LRRC4C: variants seen among roughly 807,000 people sequenced by gnomAD.
LRRC4C encodes the protein leucine-rich repeat-containing protein 4C.
In LRRC4C, 5 loss-of-function variants were observed where a neutral mutation model predicts 33.6. The observed-to-expected ratio is 0.15, with a 90% CI of 0.08 to 0.31. The LOEUF (loss-of-function observed/expected upper bound fraction) is 0.31. LRRC4C is among the 10% of genes least tolerant of loss of function. The probability of loss-of-function intolerance (pLI) is 1.00; values close to 1 mark genes in which losing one functional copy is unlikely to be tolerated. For synonymous variants in LRRC4C, 329 were observed against 302.0 expected (o/e 1.09, Z -0.93); for missense variants, 560 against 796.7 (o/e 0.70, Z 3.58).
At chr11:40,245,363 A>G (rs1271618641) in intron 4 of LRRC4C, among the ~76,000 whole-genome samples, 4 of 152,198 alleles carry the variant, frequency 2.6e-5, no homozygotes, top group Non-Finnish European at 4.4e-5. Flanking sequence ...GAAGCCTATG[A>G]CAATAAAAAC....
At chr11:40,980,731 A>C (rs1260414775) in intron 1 of LRRC4C, among the ~76,000 whole-genome samples, 3 of 152,208 alleles carry the variant, frequency 2.0e-5, no homozygotes, top group Non-Finnish European at 4.4e-5. Flanking sequence ...TATCTCTATC[A>C]AACGATCATA....
At chr11:41,211,376 A>C (rs1208949145) in intron 1 of LRRC4C, among the ~76,000 whole-genome samples, 3 of 152,000 alleles carry the variant, frequency 2.0e-5, no homozygotes, top group African/African-American at 7.3e-5. Flanking sequence ...CATGTGCACA[A>C]CTTGCAGGTT....
chr11:40,673,542 C>T (rs576009692), intron 2 of LRRC4C, among the ~76,000 whole-genome samples: 1 of 152,094 alleles, frequency 6.6e-6, no homozygotes, highest in Admixed American at 6.6e-5. Flanking sequence ...AGTAGCATAA[C>T]TTTCTCAAAA....
intron 2 of LRRC4C, among the ~76,000 whole-genome samples, chr11:40,845,326 C>A (rs562257516): frequency 3.9e-5 from 6 of 152,114 alleles, no homozygotes; most frequent in African/African-American, 1.2e-4. Context: ...TGTCGACAGG[C>A]CCCAGTGTGT....
chr11:40,410,338 T>A (rs983598756), intron 3 of LRRC4C, among the ~76,000 whole-genome samples: 3 of 152,120 alleles, frequency 2.0e-5, no homozygotes, highest in Non-Finnish European at 4.4e-5. Flanking sequence ...AAATTATACA[T>A]AAAATATTTT....
chr11:40,194,301 T>G (rs2135652157), intron 5 of LRRC4C, among the ~76,000 whole-genome samples: 1 of 152,266 alleles, frequency 6.6e-6, no homozygotes, highest in East Asian at 1.9e-4. Flanking sequence ...GGGCCAATAT[T>G]CAACATTCTT....
intron 3 of LRRC4C, among the ~76,000 whole-genome samples, chr11:40,453,637 AC>A (rs1952000977): frequency 6.8e-6 from 1 of 146,570 alleles, no homozygotes; most frequent in Non-Finnish European, 1.5e-5. Flanking sequence ...ACAACTACGG[AC>A]CAATATCCCT....
chr11:40,705,800 G>A (rs34904522), intron 2 of LRRC4C, among the ~76,000 whole-genome samples: 5,558 of 152,158 alleles, frequency 0.037, 101 homozygotes, highest in Middle Eastern at 0.054. Context: ...CACAATGGAT[G>A]AACTAGTTTA....
At chr11:41,290,173 A>G (rs1227398145) in intron 1 of LRRC4C, among the ~76,000 whole-genome samples, 1 of 152,206 alleles carries the variant, frequency 6.6e-6, no homozygotes, top group Non-Finnish European at 1.5e-5. Context: ...AGAGTGAAAG[A>G]TTTCCCATAA....
At chr11:40,595,371 C>T (rs7927392) in intron 3 of LRRC4C, among the ~76,000 whole-genome samples, 34,817 of 151,812 alleles carry the variant, frequency 0.23, 4,309 homozygotes, top group East Asian at 0.5. Context: ...TTTTTGAACA[C>T]TCAGAGGAGT....
intron 4 of LRRC4C, among the ~76,000 whole-genome samples, chr11:40,287,257 T>C (rs1273906848): frequency 7.5e-4 from 2 of 2,662 alleles, no homozygotes; most frequent in African/African-American, 2.3e-3. Flanking sequence ...TGTCACTGTA[T>C]GTGTGTGTGT....
chr11:40,772,104 C>T (rs577007542), intron 2 of LRRC4C, among the ~76,000 whole-genome samples: 2 of 152,276 alleles, frequency 1.3e-5, no homozygotes, highest in East Asian at 3.9e-4. Context: ...CTGCCCAAGA[C>T]CGGGTAATTT....
At chr11:40,496,047 T>C (rs912771894) in intron 3 of LRRC4C, among the ~76,000 whole-genome samples, 4 of 152,042 alleles carry the variant, frequency 2.6e-5, no homozygotes, top group Non-Finnish European at 4.4e-5. Context: ...ACCAGGCTGG[T>C]TTCGAACTCC....
At chr11:40,897,150 C>T (rs1955984735) in intron 2 of LRRC4C, among the ~76,000 whole-genome samples, 1 of 152,114 alleles carries the variant, frequency 6.6e-6, no homozygotes, top group African/African-American at 2.4e-5. Flanking sequence ...TTCCTCTCTA[C>T]CTGTTATTTT....
intron 3 of LRRC4C, among the ~76,000 whole-genome samples, chr11:40,547,245 G>T (rs1340429375): frequency 6.6e-6 from 1 of 152,070 alleles, no homozygotes; most frequent in South Asian, 2.1e-4. Flanking sequence ...AGCTTCATTT[G>T]CTGGGGAAGA....
intron 4 of LRRC4C, among the ~76,000 whole-genome samples, chr11:40,280,520 C>G (rs1433342590): frequency 1.3e-5 from 2 of 152,184 alleles, no homozygotes; most frequent in Non-Finnish European, 2.9e-5. Flanking sequence ...TCCTCTCACT[C>G]ATCTTCCCTT....
At chr11:41,159,273 A>C (rs758145517) in intron 1 of LRRC4C, among the ~76,000 whole-genome samples, 26 of 149,988 alleles carry the variant, frequency 1.7e-4, no homozygotes, top group Non-Finnish European at 3.7e-4. Flanking sequence ...CCTGGGCAAC[A>C]GAGAAAGACC....
chr11:41,426,039 T>G (rs547628412), intron 1 of LRRC4C, among the ~76,000 whole-genome samples: 12 of 152,290 alleles, frequency 7.9e-5, no homozygotes, highest in South Asian at 4.1e-4. Context: ...GTTGATAGAT[T>G]TGTGACTTCA....
At chr11:40,843,933 A>G (rs937168815) in intron 2 of LRRC4C, among the ~76,000 whole-genome samples, 1 of 152,202 alleles carries the variant, frequency 6.6e-6, no homozygotes, top group African/African-American at 2.4e-5. Flanking sequence ...CATGGCTAGT[A>G]GAAGTGAATA....
Sources: allele counts gnomAD v4.1 joint callset (sites outside exome capture counted in the v4.1 genomes callset), GRCh38; gene constraint gnomAD v4.1.1; transcripts MANE v1.5; gene names NCBI Gene and HGNC (gene_info 2026-07-23, HGNC 2026-07-21).